Variants in C1orf105 observed in about 807,000 individuals in gnomAD.
C1orf105 encodes the protein chromosome 1 open reading frame 105, also known as uncharacterized protein C1orf105.
Under a neutral mutation model 20.8 loss-of-function variants are expected in C1orf105, and 17 were observed. The ratio of observed to expected loss-of-function variants is 0.82; its 90% CI spans 0.56 to 1.23. The LOEUF (loss-of-function observed/expected upper bound fraction) is 1.23. Among genes scored for constraint, C1orf105 ranks in the 50% most tolerant of loss-of-function variants. The pLI, the probability that C1orf105 is intolerant of heterozygous loss-of-function variation, is 0.00. For missense variants in C1orf105, 219 were observed against 213.5 expected (o/e 1.03, Z -0.16); for synonymous variants, 72 against 72.1 (o/e 1.00, Z 0.01).
intron 1 of C1orf105, among the ~76,000 whole-genome samples, chr1:172,432,525 C>T (rs1305303467): frequency 3.3e-5 from 5 of 152,204 alleles, no homozygotes; most frequent in African/African-American, 9.6e-5. Context: ...CTGAGGGACC[C>T]GACTGTTAGA....
chr1:172,439,391 T>G (rs896385023), intron 1 of C1orf105, among the ~76,000 whole-genome samples: 1 of 152,208 alleles, frequency 6.6e-6, no homozygotes, highest in Non-Finnish European at 1.5e-5. Context: ...CATCAGGTCC[T>G]GTGCACTCTG....
intron 5 of C1orf105, 90 bp downstream of exon 5, chr1:172,462,335 T>C: frequency 1.0e-6 from 1 of 956,046 alleles, no homozygotes; most frequent in East Asian, 2.9e-5. Flanking sequence ...GTAAGAGGAA[T>C]GTTTAAGGAA....
chr1:172,444,591 T>C (rs772352518), intron 1 of C1orf105, among the ~76,000 whole-genome samples: 6 of 152,220 alleles, frequency 3.9e-5, no homozygotes, highest in Non-Finnish European at 8.8e-5. Context: ...CTCAGATAAG[T>C]TGTATTTGTC....
intron 5 of C1orf105, 70 bp from the exon 6 acceptor site, chr1:172,465,229 A>T (rs979210564): frequency 7.8e-6 from 6 of 772,864 alleles, no homozygotes; most frequent in African/African-American, 7.2e-5. Context: ...ATAAAAATGT[A>T]TAAAGGCACA....
At position 172,443,596 on chromosome 1, in the gene C1orf105, C is replaced by A. The variant is rs1173427122; in HGVS notation, c.22-1477C>A. 1.8e-5 allele frequency: 3 copies of A among 167,234 alleles called. No individual in the cohort carries two copies. In the East Asian group the frequency reaches 5.8e-4, roughly 32 times the overall value. 10.4% of individuals were successfully genotyped at this position (167,234 alleles called of 1,614,324 possible). ...ATGAGAAAACTAAGAGTCAGAAACA[C>A]CACAGCCATCCGGCAAATTTGAGAA... On this transcript the variant is annotated intron_variant, in intron 1 of 6. Transcript: ENST00000367727.
chr1:172,429,993 G>A (rs79043570), intron 1 of C1orf105, among the ~76,000 whole-genome samples: 5 of 152,150 alleles, frequency 3.3e-5, no homozygotes, highest in Non-Finnish European at 5.9e-5. Flanking sequence ...GTAACTTAGA[G>A]TGATAAGAAG....
chr1:172,430,304 G>T, intron 1 of C1orf105: 1 of 701,894 alleles, frequency 1.4e-6, no homozygotes, highest in Non-Finnish European at 2.6e-6. Context: ...CTGAATCCTT[G>T]TGCCAGCAGC....
intron 1 of C1orf105, chr1:172,442,381 G>A (rs776080992): frequency 6.2e-7 from 1 of 1,613,350 alleles, no homozygotes; most frequent in South Asian, 1.1e-5. Flanking sequence ...CCAATGGGGG[G>A]CCAGAAGACC....
intron 1 of C1orf105, chr1:172,442,724 T>C: frequency 1.0e-6 from 1 of 990,958 alleles, no homozygotes; most frequent in Non-Finnish European, 1.5e-6. Context: ...TCCCTGGAAA[T>C]TCCATGCTGT....
intron 5 of C1orf105, among the ~76,000 whole-genome samples, chr1:172,462,726 T>C (rs997449983): frequency 1.3e-5 from 2 of 152,140 alleles, no homozygotes; most frequent in African/African-American, 2.4e-5. Context: ...TAAAATCCAA[T>C]TGGAATTATG....
At chr1:172,428,840 CA>C (rs1196629722) in intron 1 of C1orf105, 2 of 693,624 alleles carry the variant, frequency 2.9e-6, no homozygotes, top group Admixed American at 2.1e-5. Context: ...AGTAAGTACT[CA>C]AAAAATATTT....
intron 1 of C1orf105, chr1:172,443,275 T>A (rs1558133229): frequency 6.0e-6 from 1 of 167,162 alleles, no homozygotes; most frequent in African/African-American, 2.4e-5. Flanking sequence ...CCCTTAGGTA[T>A]ATCACATTGC....
chr1:172,452,853 C>T, intron 3 of C1orf105: 2 of 1,436,394 alleles, frequency 1.4e-6, no homozygotes, highest in Non-Finnish European at 1.8e-6. Context: ...GTGCCTCTGG[C>T]TCTAGACCTG....
intron 1 of C1orf105, among the ~76,000 whole-genome samples, chr1:172,440,448 C>T (rs2072184603): frequency 6.6e-6 from 1 of 152,210 alleles, no homozygotes; most frequent in African/African-American, 2.4e-5. Context: ...ATCCCATTTA[C>T]CACAATTCTA....
chr1:172,444,366 GTCAGGCCC>G (rs1647729780), intron 1 of C1orf105: 1 of 932,152 alleles, frequency 1.1e-6, no homozygotes, highest in African/African-American at 1.8e-5. Context: ...CCTTTATTAA[GTCAGGCCC>G]TCAGCTGGGA....
intron 6 of C1orf105, among the ~76,000 whole-genome samples, chr1:172,467,800 A>G (rs1650168058): frequency 6.6e-6 from 1 of 152,168 alleles, no homozygotes; most frequent in Non-Finnish European, 1.5e-5. Flanking sequence ...GGAAGATGTT[A>G]TTTCATGCAC....
chr1:172,442,542 G>C (rs2149169931), intron 1 of C1orf105: 1 of 1,614,190 alleles, frequency 6.2e-7, no homozygotes, highest in East Asian at 2.2e-5. Flanking sequence ...GGTCCACATA[G>C]TTATCAGGAA....
At position 172,436,708 on chromosome 1, in the gene C1orf105, A is replaced by C. The variant is rs182130736; in HGVS notation, c.22-8365A>C. 4.6e-5 allele frequency among the ~76,000 whole-genome samples: 7 copies of C among 152,358 alleles called. No individual in the cohort carries two copies. In the East Asian group the frequency reaches 1.4e-3, roughly 29 times the overall value. ...AAGGACTTCATGACTAAAACACCAA[A>C]AGCAATGGCAACAAAAGCCAAAATA... On this transcript the variant is annotated intron_variant, in intron 1 of 6. Coordinates refer to ENST00000367727, the MANE Select transcript of C1orf105 (RefSeq NM_139240.4).
At position 172,420,979 on chromosome 1, in the gene C1orf105, G is replaced by A. The variant is rs2071570563; in HGVS notation, c.21+73G>A. On this transcript the variant is annotated intron_variant, in intron 1 of 6. Transcript: ENST00000367727. ...CCCTGGTAAATGTTTGTATGCCTTG[G>A]AGGCCACATAAACATTGAGGGGTGT... 3.6e-6 allele frequency: 5 copies of A among 1,388,422 alleles called. No homozygotes were observed. The East Asian group carries it at 1.2e-4, about 33-fold the overall frequency. The allele number at this position is 1,388,422 out of a possible 1,614,324, so 86.0% of individuals were successfully genotyped here.
Sources: gnomAD v4.1 joint callset for allele counts (sites outside exome capture counted in the v4.1 genomes callset) on GRCh38, gnomAD v4.1.1 for gene constraint, MANE v1.5 for transcripts, NCBI Gene and HGNC (gene_info 2026-07-23, HGNC 2026-07-21) for gene names.